The following NRXN3 variants were observed in gnomAD, a reference collection of about 807,000 sequenced individuals.
NRXN3 encodes neurexin III.
NRXN3 carries 32 observed loss-of-function variants against 137.6 expected under a neutral mutation model. That is an observed-to-expected ratio of 0.23 (90% CI 0.18 to 0.31). The LOEUF is 0.31. Among genes scored for constraint, NRXN3 ranks in the 10% least tolerant of loss-of-function variants. The pLI is 1.00. For synonymous variants in NRXN3, 798 were observed against 784.5 expected (o/e 1.02, Z -0.29); for missense variants, 1,574 against 2,062.5 (o/e 0.76, Z 4.59).
At chr14:79,754,595 T>TATATACACACAC (rs2099012843) in intron 19 of NRXN3, among the ~76,000 whole-genome samples, 1 of 144,438 alleles carries the variant, frequency 6.9e-6, no homozygotes, top group African/African-American at 2.5e-5. Flanking sequence ...CACACATATA[T>TATATACACACAC]ATACACACAC....
chr14:79,184,628 A>G (rs547077737), intron 15 of NRXN3, among the ~76,000 whole-genome samples: 1 of 152,360 alleles, frequency 6.6e-6, no homozygotes, highest in East Asian at 1.9e-4. Context: ...GGCGACCTGA[A>G]TAATGAAGTA....
At chr14:78,814,909 C>T (rs1299180002) in intron 10 of NRXN3, among the ~76,000 whole-genome samples, 3 of 152,064 alleles carry the variant, frequency 2.0e-5, no homozygotes, top group Non-Finnish European at 4.4e-5. Flanking sequence ...ATATAGAGAA[C>T]TAATAATAAT....
At chr14:79,476,929 C>T (rs1325815665) in intron 16 of NRXN3, among the ~76,000 whole-genome samples, 1 of 152,054 alleles carries the variant, frequency 6.6e-6, no homozygotes, top group Non-Finnish European at 1.5e-5. Context: ...GAGTAGAAAG[C>T]ATAGTGGTAA....
intron 4 of NRXN3, among the ~76,000 whole-genome samples, chr14:78,638,901 C>T (rs991251126): frequency 4.6e-5 from 7 of 152,168 alleles, no homozygotes; most frequent in Non-Finnish European, 8.8e-5. Context: ...ATTCCCTAGA[C>T]GTTTCTTTCT....
chr14:78,948,245 A>T (rs1312404963), intron 10 of NRXN3, among the ~76,000 whole-genome samples: 1 of 152,218 alleles, frequency 6.6e-6, no homozygotes, highest in African/African-American at 2.4e-5. Context: ...GGAGAGATGA[A>T]GGTGTTGCCA....
At chr14:78,353,987 C>T (rs1282137268) in intron 4 of NRXN3, among the ~76,000 whole-genome samples, 3 of 152,168 alleles carry the variant, frequency 2.0e-5, no homozygotes, top group Middle Eastern at 3.2e-3. Flanking sequence ...CAGTGACCTG[C>T]ACTATTATTT....
In NRXN3 at chr14:79,283,762, G is replaced by C. The variant is rs181058544; in HGVS notation, c.3263-183459G>C. Among the ~76,000 whole-genome samples the C allele has an allele frequency of 1.8e-3, 274 of 151,964 alleles. 1 individual carries two copies. The highest frequency in any genetic ancestry group is 6.1e-3 in the African/African-American group (254 of 41,394). ...CTTTCATGCTCTCTTCTGTTCACCA[G>C]TCAGTCAATACTCTTTGAGCACATA... On this transcript the variant is annotated intron_variant, in intron 15 of 20. Transcript: ENST00000335750.
intron 15 of NRXN3, among the ~76,000 whole-genome samples, chr14:79,308,964 G>A (rs2086681452): frequency 7.8e-6 from 1 of 128,146 alleles, no homozygotes; most frequent in Non-Finnish European, 1.6e-5. Context: ...AAGTTTTAGG[G>A]TACATGTGCA....
At chr14:78,389,875 T>C (rs2090525786) in intron 4 of NRXN3, among the ~76,000 whole-genome samples, 1 of 152,242 alleles carries the variant, frequency 6.6e-6, no homozygotes, top group South Asian at 2.1e-4. Context: ...TAAATTTAAC[T>C]TTTTAATCTT....
chr14:78,516,056 C>T (rs1020453813), intron 4 of NRXN3, among the ~76,000 whole-genome samples: 6 of 152,060 alleles, frequency 3.9e-5, no homozygotes, highest in Admixed American at 6.6e-5. Context: ...GCACTTAGTC[C>T]AGGCCCCACT....
intron 16 of NRXN3, among the ~76,000 whole-genome samples, chr14:79,480,239 A>T (rs34713513): frequency 0.26 from 39,347 of 152,028 alleles, 5,362 homozygotes; most frequent in Admixed American, 0.35. Context: ...TTCCATTTAA[A>T]TTGTCCCTTA....
intron 16 of NRXN3, among the ~76,000 whole-genome samples, chr14:79,576,024 T>G (rs2153804640): frequency 6.6e-6 from 1 of 152,332 alleles, no homozygotes; most frequent in African/African-American, 2.4e-5. Context: ...GCCAAAATGG[T>G]ATTCTTCTTA....
At chr14:78,349,386 C>A (rs1419509828) in intron 4 of NRXN3, among the ~76,000 whole-genome samples, 3 of 152,190 alleles carry the variant, frequency 2.0e-5, no homozygotes, top group African/African-American at 7.2e-5. Flanking sequence ...GGGCCTGCTC[C>A]AGCCTTCAGT....
intron 10 of NRXN3, among the ~76,000 whole-genome samples, chr14:78,843,153 A>C (rs1313176432): frequency 3.3e-5 from 5 of 152,124 alleles, no homozygotes; most frequent in Non-Finnish European, 5.9e-5. Context: ...TTATGTTCAG[A>C]GATTGCAGTA....
intron 16 of NRXN3, among the ~76,000 whole-genome samples, chr14:79,597,465 G>C (rs1048874413): frequency 2.0e-5 from 3 of 152,182 alleles, no homozygotes; most frequent in Non-Finnish European, 4.4e-5. Context: ...AAGAGGGTTA[G>C]GTGGTTGCTT....
intron 18 of NRXN3, 137 bp downstream of exon 18, chr14:79,692,399 C>T: frequency 1.4e-6 from 1 of 691,872 alleles, no homozygotes. Flanking sequence ...TAATTTGTGT[C>T]AGCTTCCACC....
chr14:79,241,836 G>T (rs1034712873), intron 15 of NRXN3, among the ~76,000 whole-genome samples: 4 of 152,152 alleles, frequency 2.6e-5, no homozygotes, highest in Admixed American at 2.6e-4. Context: ...GGAGGCTGAG[G>T]CAGACAGATC....
At chr14:79,291,392 A>T (rs898190108) in intron 15 of NRXN3, among the ~76,000 whole-genome samples, 1 of 151,742 alleles carries the variant, frequency 6.6e-6, no homozygotes, top group African/African-American at 2.4e-5. Context: ...AGTTTTAGTT[A>T]TTTATTTTAG....
chr14:78,657,418 T>C (rs1345070234), intron 6 of NRXN3, among the ~76,000 whole-genome samples: 1 of 152,232 alleles, frequency 6.6e-6, no homozygotes, highest in Non-Finnish European at 1.5e-5. Context: ...CTCCTCCATT[T>C]TCCCAAGTGG....
Sources: gnomAD v4.1 joint callset for allele counts (sites outside exome capture counted in the v4.1 genomes callset) on GRCh38, gnomAD v4.1.1 for gene constraint, MANE v1.5 for transcripts, NCBI Gene and HGNC (gene_info 2026-07-23, HGNC 2026-07-21) for gene names.